CLVS1: variants seen among roughly 807,000 people sequenced by gnomAD.
The protein encoded by CLVS1 is clavesin 1, also known as clavesin-1.
A neutral mutation model predicts 33.1 loss-of-function variants in CLVS1; 10 were observed. The ratio of observed to expected loss-of-function variants is 0.30; its 90% CI spans 0.19 to 0.51. CLVS1 has a LOEUF of 0.51. CLVS1 is among the 20% of genes least tolerant of loss of function. The pLI is 0.97. For synonymous variants in CLVS1, 163 were observed against 166.1 expected (o/e 0.98, Z 0.14); for missense variants, 343 against 433.4 (o/e 0.79, Z 1.85).
At chr8:61,253,429 G>C (rs927196862) in intron 2 of CLVS1, among the ~76,000 whole-genome samples, 3 of 152,096 alleles carry the variant, frequency 2.0e-5, no homozygotes, top group African/African-American at 7.2e-5. Flanking sequence ...GAGTAACTTT[G>C]TGGCATTCTC....
intron 2 of CLVS1, among the ~76,000 whole-genome samples, chr8:61,263,378 G>A (rs189162543): frequency 3.3e-5 from 5 of 152,242 alleles, no homozygotes; most frequent in Admixed American, 3.3e-4. Context: ...ATATAGTTTT[G>A]TATTTACATA....
In CLVS1 at chr8:61,431,511, C is replaced by T. The variant is rs1050291504; in HGVS notation, c.631-22630C>T. On this transcript the variant is annotated intron_variant, in intron 3 of 5. Transcript: ENST00000325897. ...TCATGGCGGCATGGCTGACTGACCA[C>T]ATAGCTACCTGCTACCTAGCCAGCT... is the stretch of plus-strand genomic sequence containing the variant. 1.4e-4 allele frequency among the ~76,000 whole-genome samples: 21 copies of T among 152,344 alleles called. No individual in the cohort carries two copies. The East Asian group carries it at 3.9e-3, about 28-fold the overall frequency.
Position 61,376,879 on chromosome 8 carries a change from G to C in CLVS1, c.630+100G>C, listed in dbSNP as rs1026966726. ...ATATTTATCCTTTGGAGTGGAAAAA[G>C]GAAACTTGGATTAAATTCATCTGAG... On this transcript the variant is annotated intron_variant, in intron 3 of 5. Coordinates refer to ENST00000325897, the MANE Select transcript of CLVS1 (RefSeq NM_173519.3). The C allele has an allele frequency of 3.6e-6, 4 of 1,116,966 alleles. No individual in the cohort carries two copies. The Admixed American group carries it at 1.2e-4, about 33-fold the overall frequency. The allele number at this position is 1,116,966 out of a possible 1,614,324, so 69.2% of individuals were successfully genotyped here. A position where few individuals can be genotyped will look rare whatever the true frequency, so the allele number is the denominator to read the frequency against.
chr8:61,261,837 T>A (rs911663207), intron 2 of CLVS1, among the ~76,000 whole-genome samples: 7 of 152,192 alleles, frequency 4.6e-5, no homozygotes, highest in Non-Finnish European at 1.0e-4. Context: ...TCTATGGTAT[T>A]CTGCTACAGA....
In CLVS1 at chr8:61,298,415, G is replaced by A. The variant is rs185379447; in HGVS notation, c.-151-1262G>A. 4.1e-3 allele frequency among the ~76,000 whole-genome samples: 626 copies of A among 152,070 alleles called. 7 individuals are homozygous for A. The highest frequency in any genetic ancestry group is 3.9e-3 in the Non-Finnish European group (264 of 67,946). ...TAAATAAAATTATTTTTATTATTCT[G>A]TTGTCTTGAAAATGAATACCAGTTA... On this transcript the variant is annotated intron_variant, in intron 1 of 5. Transcript: ENST00000325897.
intron 2 of CLVS1, among the ~76,000 whole-genome samples, chr8:61,319,128 C>T (rs770061039): frequency 1.3e-5 from 2 of 152,010 alleles, no homozygotes; most frequent in East Asian, 3.9e-4. Flanking sequence ...TGGTTGTTGA[C>T]TCTACCATGG....
chr8:61,245,722 T>A (rs924092525), intron 2 of CLVS1, among the ~76,000 whole-genome samples: 2 of 151,782 alleles, frequency 1.3e-5, no homozygotes, highest in Non-Finnish European at 1.5e-5. Flanking sequence ...TGGCTTTTTT[T>A]AAGTTTATTA....
chr8:61,404,009 A>G (rs764777554), intron 3 of CLVS1, among the ~76,000 whole-genome samples: 23 of 152,338 alleles, frequency 1.5e-4, no homozygotes, highest in Non-Finnish European at 3.1e-4. Context: ...TGAATAATCG[A>G]AGCAAGACCC....
chr8:61,410,389 T>A (rs1007623005), intron 3 of CLVS1, among the ~76,000 whole-genome samples: 14 of 152,192 alleles, frequency 9.2e-5, no homozygotes, highest in Admixed American at 9.2e-4. Context: ...ACCATGCTGC[T>A]TTAATTATTG....
At chr8:61,395,567 C>G (rs1004895633) in intron 3 of CLVS1, among the ~76,000 whole-genome samples, 1 of 151,812 alleles carries the variant, frequency 6.6e-6, no homozygotes, top group Non-Finnish European at 1.5e-5. Context: ...AACATATTAC[C>G]CCATAAATAT....
At chr8:61,275,139 G>A (rs1197261264) in intron 2 of CLVS1, among the ~76,000 whole-genome samples, 1 of 152,086 alleles carries the variant, frequency 6.6e-6, no homozygotes, top group Non-Finnish European at 1.5e-5. Flanking sequence ...TTGCAAACAG[G>A]AGACCTCTGG....
chr8:61,171,614 C>A (rs1807001824), intron 2 of CLVS1, among the ~76,000 whole-genome samples: 1 of 152,096 alleles, frequency 6.6e-6, no homozygotes, highest in Non-Finnish European at 1.5e-5. Flanking sequence ...TGAAATAAGT[C>A]AACAGGATTT....
chr8:61,323,739 A>G (rs1461543859), intron 2 of CLVS1, among the ~76,000 whole-genome samples: 1 of 152,006 alleles, frequency 6.6e-6, no homozygotes, highest in Non-Finnish European at 1.5e-5. Context: ...TTTGTTGTAC[A>G]GATTATTTCA....
the CLVS1 span, among the ~76,000 whole-genome samples, chr8:61,050,306 ATTCT>A: frequency 3.5e-3 from 533 of 152,224 alleles, 3 homozygotes; most frequent in African/African-American, 0.012. Flanking sequence ...TCATCTCTTC[ATTCT>A]TTCTGTCTGG....
rs1208641531 is a variant in CLVS1, at chr8:61,449,352, A to G, written c.631-4789A>G. Among the ~76,000 whole-genome samples the G allele has an allele frequency of 5.9e-5, 9 of 152,162 alleles. No homozygotes were observed. In the East Asian group the frequency reaches 1.2e-3, roughly 20 times the overall value. On this transcript the variant is annotated intron_variant, in intron 3 of 5. Transcript: ENST00000325897. ...ACAGGTGGGGGAGGAAGTCCAGTTT[A>G]CCCACATGGTCTCCACTGACACTGC...
chr8:61,390,178 A>C (rs2129602672), intron 3 of CLVS1, among the ~76,000 whole-genome samples: 1 of 152,344 alleles, frequency 6.6e-6, no homozygotes, highest in South Asian at 2.1e-4. Flanking sequence ...GAAAGTGCAA[A>C]TTATACCCAA....
chr8:60,990,104 G>C, the CLVS1 span, among the ~76,000 whole-genome samples: 2 of 121,778 alleles, frequency 1.6e-5, no homozygotes, highest in East Asian at 2.4e-4. Flanking sequence ...CAGCCTGGGT[G>C]ACAGAGCAAG....
At chr8:61,470,214 C>T (rs1158318528) in intron 5 of CLVS1, among the ~76,000 whole-genome samples, 1 of 152,180 alleles carries the variant, frequency 6.6e-6, no homozygotes, top group Non-Finnish European at 1.5e-5. Flanking sequence ...ACCTGTACAG[C>T]TGTGTAACAT....
At chr8:61,083,875 G>T (rs1805071208) in intron 1 of CLVS1, among the ~76,000 whole-genome samples, 1 of 152,084 alleles carries the variant, frequency 6.6e-6, no homozygotes, top group Non-Finnish European at 1.5e-5. Flanking sequence ...ATTCCTGGTG[G>T]GATTGATTGG....
Sources: allele counts gnomAD v4.1 joint callset (sites outside exome capture counted in the v4.1 genomes callset), GRCh38; gene constraint gnomAD v4.1.1; transcripts MANE v1.5; gene names NCBI Gene and HGNC (gene_info 2026-07-23, HGNC 2026-07-21).